The following OSBPL10 variants were observed in gnomAD, a reference collection of about 807,000 sequenced individuals.
OSBPL10 encodes the protein oxysterol-binding protein-related protein 10.
In OSBPL10, 49 loss-of-function variants were observed where a neutral mutation model predicts 81.7. The observed-to-expected ratio is 0.60, with a 90% CI of 0.48 to 0.76. OSBPL10 has a LOEUF of 0.76. Among genes scored for constraint, OSBPL10 ranks in the 30% least tolerant of loss-of-function variants. The pLI is 0.00. For missense variants in OSBPL10, 923 were observed against 987.8 expected, an observed-to-expected ratio of 0.93 and a Z score of 0.88; for synonymous variants, 419 against 383.6, an observed-to-expected ratio of 1.09 and a Z score of -1.08.
chr3:31,673,433 G>A (rs1428226884), intron 8 of OSBPL10, among the ~76,000 whole-genome samples: 1 of 152,126 alleles, frequency 6.6e-6, no homozygotes, highest in Non-Finnish European at 1.5e-5. Context: ...AGAGAGAGAG[G>A]TCACCTCAAA....
chr3:31,970,284 G>A (rs190553006), intron 1 of OSBPL10, among the ~76,000 whole-genome samples: 1 of 152,234 alleles, frequency 6.6e-6, no homozygotes, highest in East Asian at 1.9e-4. Context: ...TTATGAGGTG[G>A]CTTTGATCCA....
chr3:31,721,275 C>T (rs1157525007), intron 6 of OSBPL10: 1 of 152,278 alleles, frequency 6.6e-6, no homozygotes, highest in African/African-American at 2.4e-5. Flanking sequence ...CCACTGAGAC[C>T]TGTGTCAGAC....
chr3:31,822,913 T>TCAAAAAAAAAAAA (rs1700012989), intron 4 of OSBPL10, among the ~76,000 whole-genome samples: 1 of 89,146 alleles, frequency 1.1e-5, no homozygotes, highest in Admixed American at 1.5e-4. Context: ...CCCCCAACTC[T>TCAAAAAAAAAAAA]AAAAAAAAAA....
intron 1 of OSBPL10, among the ~76,000 whole-genome samples, chr3:31,980,631 T>A (rs955385218): frequency 6.6e-6 from 1 of 152,050 alleles, no homozygotes; most frequent in Non-Finnish European, 1.5e-5. Context: ...TCTCTGCAGG[T>A]GCCAGCATAG....
At chr3:31,947,362 C>T (rs1411383922) in intron 1 of OSBPL10, among the ~76,000 whole-genome samples, 4 of 152,200 alleles carry the variant, frequency 2.6e-5, no homozygotes, top group South Asian at 2.1e-4. Context: ...CTCCACCCAA[C>T]TCAGCTGAAC....
At chr3:31,752,913 T>C (rs1397711476) in intron 4 of OSBPL10, among the ~76,000 whole-genome samples, 1 of 152,132 alleles carries the variant, frequency 6.6e-6, no homozygotes, top group East Asian at 1.9e-4. Context: ...ACATTCCTAA[T>C]CCTAAAGGAA....
Position 31,662,573 on chromosome 3 carries a change from C to T in OSBPL10, c.2251-457G>A, listed in dbSNP as rs1394883520. The T allele has an allele frequency of 3.2e-5, 31 of 977,054 alleles. No homozygotes were observed. In the Admixed American group the frequency reaches 3.6e-4, roughly 11 times the overall value. 60.5% of individuals were successfully genotyped at this position (977,054 alleles called of 1,614,324 possible). ...ACAAATCAGCACACACAAGAAACAC[C>T]ATCAATCAAATATCAAGTGAGAAAA... On this transcript the variant is annotated intron_variant, in intron 11 of 11. Coordinates refer to ENST00000396556, the MANE Select transcript of OSBPL10 (RefSeq NM_017784.5).
intron 2 of OSBPL10, among the ~76,000 whole-genome samples, chr3:32,025,054 G>A (rs925731782): frequency 2.6e-5 from 4 of 152,170 alleles, no homozygotes; most frequent in African/African-American, 9.7e-5. Flanking sequence ...GGTGGGAGTA[G>A]ACAGTCTCAC....
chr3:31,682,405 G>A (rs1345725867), intron 8 of OSBPL10, among the ~76,000 whole-genome samples: 1 of 152,184 alleles, frequency 6.6e-6, no homozygotes, highest in Non-Finnish European at 1.5e-5. Context: ...ACCTCCACCT[G>A]CCCCTGTTCA....
intron 2 of OSBPL10, among the ~76,000 whole-genome samples, chr3:32,017,094 C>T (rs1365769611): frequency 6.6e-6 from 1 of 152,070 alleles, no homozygotes; most frequent in Non-Finnish European, 1.5e-5. Flanking sequence ...TCCATTAGAA[C>T]GTGGGAAGAG....
intron 1 of OSBPL10, among the ~76,000 whole-genome samples, chr3:31,884,875 C>T (rs1695686578): frequency 6.6e-6 from 1 of 152,118 alleles, no homozygotes; most frequent in Non-Finnish European, 1.5e-5. Context: ...AGAGAACATA[C>T]TTTCTTTGCT....
intron 4 of OSBPL10, among the ~76,000 whole-genome samples, chr3:31,822,753 CTT>C (rs893775735): frequency 6.6e-6 from 1 of 151,276 alleles, no homozygotes; most frequent in African/African-American, 2.4e-5. Flanking sequence ...TTACAAAAAA[CTT>C]TAAAAAAAAT....
At chr3:31,864,845 C>T (rs1701137510) in intron 3 of OSBPL10, among the ~76,000 whole-genome samples, 1 of 152,182 alleles carries the variant, frequency 6.6e-6, no homozygotes, top group African/African-American at 2.4e-5. Context: ...CTCCTTTGCT[C>T]TTTTGTCCTT....
intron 5 of OSBPL10, among the ~76,000 whole-genome samples, chr3:31,736,678 T>C (rs938850366): frequency 6.6e-6 from 1 of 152,180 alleles, no homozygotes; most frequent in Non-Finnish European, 1.5e-5. Flanking sequence ...GTAGAGCAGT[T>C]AGGAAATCTT....
chr3:31,878,814 C>CGT (rs1559502481), intron 2 of OSBPL10, among the ~76,000 whole-genome samples: 3,646 of 104,804 alleles, frequency 0.035, 63 homozygotes, highest in Admixed American at 0.048. Flanking sequence ...TCTGCGTGTC[C>CGT]ATGTGTGTGT....
intron 1 of OSBPL10, among the ~76,000 whole-genome samples, chr3:32,052,228 C>T (rs1699675497): frequency 1.4e-5 from 2 of 144,076 alleles, no homozygotes; most frequent in South Asian, 2.2e-4. Context: ...ACCTGAGTGA[C>T]AGAATAAGAT....
intron 3 of OSBPL10, among the ~76,000 whole-genome samples, chr3:31,832,859 G>A (rs1419163160): frequency 3.9e-5 from 6 of 152,146 alleles, no homozygotes; most frequent in East Asian, 3.9e-4. Context: ...CTCAGGCCTC[G>A]GCTAACAGGC....
intron 4 of OSBPL10, among the ~76,000 whole-genome samples, chr3:31,811,411 G>A (rs57400769): frequency 0.053 from 8,082 of 152,260 alleles, 670 homozygotes; most frequent in African/African-American, 0.18. Context: ...CAGGGAGGAC[G>A]GCTTTCCCCA....
intron 3 of OSBPL10, among the ~76,000 whole-genome samples, chr3:31,854,039 T>C (rs916584431): frequency 1.3e-5 from 2 of 152,370 alleles, no homozygotes; most frequent in Non-Finnish European, 2.9e-5. Context: ...TTGATCAAGT[T>C]TGATAGATGC....
Sources: gnomAD v4.1 joint callset for allele counts (sites outside exome capture counted in the v4.1 genomes callset) on GRCh38, gnomAD v4.1.1 for gene constraint, MANE v1.5 for transcripts, NCBI Gene and HGNC (gene_info 2026-07-23, HGNC 2026-07-21) for gene names.